The following PDE4D variants were observed in gnomAD, a reference collection of about 807,000 sequenced individuals.
The protein encoded by PDE4D is 3',5'-cyclic-AMP phosphodiesterase 4D.
In PDE4D, 24 loss-of-function variants were observed where a neutral mutation model predicts 87.4. The observed-to-expected ratio is 0.27, with a 90% confidence interval of 0.20 to 0.39. The LOEUF (loss-of-function observed/expected upper bound fraction) is 0.39, where lower values mean the gene tolerates loss of function less well. Ranked by LOEUF, PDE4D falls within the 10% of genes least tolerant of loss-of-function variation. The pLI, the probability that PDE4D is intolerant of heterozygous loss-of-function variation, is 1.00. For synonymous variants in PDE4D, 384 were observed against 383.2 expected, an observed-to-expected ratio of 1.00 and a Z score of -0.02; for missense variants, 714 against 1,041.0, an observed-to-expected ratio of 0.69 and a Z score of 4.32.
Position 59,610,022 on chromosome 5 carries a change from A to C in PDE4D, c.455+283146T>G, listed in dbSNP as rs530035516. 1.3e-4 allele frequency among the ~76,000 whole-genome samples: 20 copies of C among 152,308 alleles called. 1 individual carries two copies. The South Asian group carries it at 3.5e-3, about 27-fold the overall frequency. On this transcript the variant is annotated intron_variant, in intron 1 of 14. Coordinates refer to ENST00000340635, the MANE Select transcript of PDE4D (RefSeq NM_001104631.2). ...AGATGTACTCTCCTTTCTACTCTGCAGGTGAATAGTGTTCTGGTACTGCCC... is the reference window on the plus strand; with the variant it reads ...AGATGTACTCTCCTTTCTACTCTGCCGGTGAATAGTGTTCTGGTACTGCCC...
At chr5:60,192,506 G>T (rs1785273995) in intron 1 of PDE4D, among the ~76,000 whole-genome samples, 1 of 152,018 alleles carries the variant, frequency 6.6e-6, no homozygotes, top group Non-Finnish European at 1.5e-5. Flanking sequence ...TGAAAATCTG[G>T]AAACAATTTA....
intron 2 of PDE4D, among the ~76,000 whole-genome samples, chr5:60,091,779 G>A (rs1010277218): frequency 3.3e-5 from 5 of 152,198 alleles, no homozygotes; most frequent in South Asian, 2.1e-4. Flanking sequence ...TGGGCCGGGC[G>A]CGGTGGCTCA....
intron 1 of PDE4D, among the ~76,000 whole-genome samples, chr5:59,472,569 C>T (rs1802619050): frequency 6.6e-6 from 1 of 152,122 alleles, no homozygotes; most frequent in Non-Finnish European, 1.5e-5. Context: ...ATAACATTTC[C>T]ATTACCTTGA....
At chr5:59,014,380 T>G (rs892149972) in intron 6 of PDE4D, among the ~76,000 whole-genome samples, 1 of 152,144 alleles carries the variant, frequency 6.6e-6, no homozygotes, top group African/African-American at 2.4e-5. Flanking sequence ...GATGACATGA[T>G]TATATATTTA....
chr5:59,742,400 C>T (rs912479916), intron 1 of PDE4D, among the ~76,000 whole-genome samples: 1 of 152,072 alleles, frequency 6.6e-6, no homozygotes, highest in African/African-American at 2.4e-5. Context: ...AAGTACATAC[C>T]CCACAAATTA....
chr5:59,492,728 A>G (rs1806444960), intron 1 of PDE4D, among the ~76,000 whole-genome samples: 1 of 151,746 alleles, frequency 6.6e-6, no homozygotes, highest in Admixed American at 6.6e-5. Flanking sequence ...TCCCCACCCA[A>G]ATCTCATCTT....
At chr5:59,740,637 A>G (rs1580798445) in intron 1 of PDE4D, among the ~76,000 whole-genome samples, 1 of 152,212 alleles carries the variant, frequency 6.6e-6, no homozygotes, top group East Asian at 1.9e-4. Context: ...CAATTGTGGA[A>G]TTAAATATAC....
At chr5:60,105,174 G>C (rs1383202460) in intron 2 of PDE4D, among the ~76,000 whole-genome samples, 2 of 152,228 alleles carry the variant, frequency 1.3e-5, no homozygotes, top group Non-Finnish European at 2.9e-5. Context: ...TAAAGGAGCT[G>C]ATGGAGCTGA....
chr5:59,892,797 CA>C (rs1751152389), intron 1 of PDE4D, among the ~76,000 whole-genome samples: 1 of 151,872 alleles, frequency 6.6e-6, no homozygotes, highest in Non-Finnish European at 1.5e-5. Flanking sequence ...CCACCCAGAG[CA>C]AACTGATTTT....
At chr5:60,435,474 C>T (rs1489559314) in intron 1 of PDE4D, among the ~76,000 whole-genome samples, 1 of 152,028 alleles carries the variant, frequency 6.6e-6, no homozygotes, top group Admixed American at 6.6e-5. Flanking sequence ...TTTAGGTTTA[C>T]ATTTGGAAGC....
intron 1 of PDE4D, among the ~76,000 whole-genome samples, chr5:59,370,957 C>T (rs777700333): frequency 1.3e-5 from 2 of 152,188 alleles, no homozygotes; most frequent in African/African-American, 2.4e-5. Context: ...CTTGTCCAAC[C>T]CGTGGCTTGT....
intron 3 of PDE4D, among the ~76,000 whole-genome samples, chr5:59,939,528 A>G (rs1189871236): frequency 6.6e-6 from 1 of 152,192 alleles, no homozygotes; most frequent in Non-Finnish European, 1.5e-5. Flanking sequence ...TGCCTTGAAG[A>G]AAAAATACAT....
intron 1 of PDE4D, among the ~76,000 whole-genome samples, chr5:59,747,461 C>A: frequency 6.6e-6 from 1 of 152,274 alleles, no homozygotes; most frequent in East Asian, 1.9e-4. Context: ...AGGAAAAACA[C>A]AACCATGATG....
intron 1 of PDE4D, among the ~76,000 whole-genome samples, chr5:59,873,598 C>T (rs896471410): frequency 2.6e-5 from 4 of 152,228 alleles, no homozygotes; most frequent in Middle Eastern, 6.8e-3. Flanking sequence ...GAAGTTGGTT[C>T]GACACAGTAC....
chr5:59,340,756 C>A (rs987055083), intron 1 of PDE4D, among the ~76,000 whole-genome samples: 1 of 152,122 alleles, frequency 6.6e-6, no homozygotes, highest in Admixed American at 6.6e-5. Context: ...TTCATTTTTA[C>A]CTCCCACAAA....
chr5:59,757,220 G>A (rs1354707151), intron 1 of PDE4D, among the ~76,000 whole-genome samples: 3 of 152,140 alleles, frequency 2.0e-5, no homozygotes, highest in African/African-American at 7.2e-5. Flanking sequence ...AGAGCCCAAG[G>A]AAAGAAAGAT....
intron 1 of PDE4D, among the ~76,000 whole-genome samples, chr5:59,731,529 T>C (rs1330816377): frequency 1.3e-5 from 2 of 151,668 alleles, no homozygotes; most frequent in East Asian, 3.9e-4. Context: ...CAACCATTGT[T>C]AGTTTTCTAT....
intron 2 of PDE4D, among the ~76,000 whole-genome samples, chr5:60,171,803 C>T (rs1051456431): frequency 6.6e-6 from 1 of 151,962 alleles, no homozygotes; most frequent in African/African-American, 2.4e-5. Context: ...ATTCCATACT[C>T]ATATCCAGAC....
intron 1 of PDE4D, among the ~76,000 whole-genome samples, chr5:59,874,720 T>A (rs151285717): frequency 2.1e-4 from 32 of 152,326 alleles, no homozygotes; most frequent in Non-Finnish European, 3.4e-4. Context: ...TATCACAGTT[T>A]TTCTCCCTTA....
Sources: gnomAD v4.1 joint callset for allele counts (sites outside exome capture counted in the v4.1 genomes callset) on GRCh38, gnomAD v4.1.1 for gene constraint, MANE v1.5 for transcripts, NCBI Gene and HGNC (gene_info 2026-07-23, HGNC 2026-07-21) for gene names.